The following PDCD10 variants were observed in gnomAD, a reference collection of about 807,000 sequenced individuals.
The protein encoded by PDCD10 is programmed cell death protein 10.
PDCD10 carries 4 observed loss-of-function variants against 29.2 expected under a neutral mutation model. The observed-to-expected ratio is 0.14, with a 90% CI of 0.07 to 0.31. The LOEUF is 0.31. Ranked by LOEUF, PDCD10 falls within the 10% of genes least tolerant of loss-of-function variation. The pLI is 1.00. For missense variants in PDCD10, 183 were observed against 257.9 expected (o/e 0.71, Z 1.99); for synonymous variants, 70 against 82.2 (o/e 0.85, Z 0.80).
intron 5 of PDCD10, among the ~76,000 whole-genome samples, 179 bp from the exon 6 acceptor site, chr3:167,695,901 G>T (rs1453791423): frequency 6.6e-6 from 1 of 151,818 alleles, no homozygotes; most frequent in Non-Finnish European, 1.5e-5. Context: ...AACAACAGCA[G>T]GGCTCCCTTC....
chr3:167,685,911 A>G (rs896319225), intron 8 of PDCD10, among the ~76,000 whole-genome samples: 2 of 152,306 alleles, frequency 1.3e-5, no homozygotes, highest in South Asian at 4.1e-4. Context: ...ATTTAGCTCG[A>G]TATCTCTAAT....
intron 2 of PDCD10, among the ~76,000 whole-genome samples, chr3:167,727,007 AT>A (rs1378870850): frequency 6.6e-6 from 1 of 152,236 alleles, no homozygotes; most frequent in Non-Finnish European, 1.5e-5. Flanking sequence ...ACATAAAAGA[AT>A]TTGGCCATCA....
rs1257765252 is a variant in PDCD10, at chr3:167,683,408, T to G, written c.*900A>C. 2 of 152,062 alleles carry G rather than the reference T, an allele frequency of 1.3e-5. No individual in the cohort carries two copies. Among genetic ancestry groups the G allele is most frequent in the Admixed American group, 6.5e-5 (1 of 15,270 alleles). The allele number at this position is 152,062 out of a possible 1,614,324, so 9.4% of individuals were successfully genotyped here. A position where few individuals can be genotyped will look rare whatever the true frequency, so the allele number is the denominator to read the frequency against. On this transcript the variant is annotated 3_prime_UTR_variant, in exon 9 of 9. Transcript: ENST00000392750. ...TATGGTGAAATAAAACTGTACCTAG[T>G]TGAAGAGTGTATATAATATTAACAC...
chr3:167,718,224 T>A (rs1723203270), intron 3 of PDCD10, among the ~76,000 whole-genome samples: 1 of 152,238 alleles, frequency 6.6e-6, no homozygotes, highest in African/African-American at 2.4e-5. Context: ...TGCTTAAATA[T>A]CTGTGTTTCC....
chr3:167,723,567 G>C (rs1187328364), intron 2 of PDCD10, among the ~76,000 whole-genome samples: 1 of 152,188 alleles, frequency 6.6e-6, no homozygotes, highest in Non-Finnish European at 1.5e-5. Flanking sequence ...AAAGGATGTA[G>C]TGACTTGCTC....
At chr3:167,731,420 T>C (rs1269600217) in intron 2 of PDCD10, among the ~76,000 whole-genome samples, 1 of 152,218 alleles carries the variant, frequency 6.6e-6, no homozygotes, top group Admixed American at 6.5e-5. Context: ...ACAAACATTT[T>C]TCCACAATTT....
chr3:167,699,786 G>A (rs980066270), intron 4 of PDCD10, among the ~76,000 whole-genome samples: 10 of 152,188 alleles, frequency 6.6e-5, no homozygotes, highest in African/African-American at 2.4e-4. Flanking sequence ...GCTGACCCTT[G>A]AAGAACTGGT....
intron 3 of PDCD10, among the ~76,000 whole-genome samples, chr3:167,707,626 C>T (rs1425606162): frequency 4.0e-5 from 6 of 151,594 alleles, no homozygotes; most frequent in Non-Finnish European, 1.5e-5. Flanking sequence ...TGCAGTGAGC[C>T]GAGATCACAC....
intron 5 of PDCD10, among the ~76,000 whole-genome samples, chr3:167,695,995 A>C (rs1054995114): frequency 5.5e-5 from 7 of 126,400 alleles, no homozygotes; most frequent in Admixed American, 4.2e-4. Flanking sequence ...AAAAAAAAAC[A>C]CACAAAAAAA....
Position 167,704,681 on chromosome 3 carries a change from A to C in PDCD10, c.150+161T>G. On this transcript the variant is annotated intron_variant, in intron 4 of 8. Coordinates refer to ENST00000392750, the MANE Select transcript of PDCD10 (RefSeq NM_007217.4). ...AACGAAATAACATTTGTTCTAGTTT[A>C]TCTTTTGGAAGTGTTTTAAGCTTTA... 5.2e-6 allele frequency: 3 copies of C among 577,512 alleles called. No homozygotes were observed. In the South Asian group the frequency reaches 6.5e-5, roughly 13 times the overall value. The allele number at this position is 577,512 out of a possible 1,614,324, so 35.8% of individuals were successfully genotyped here.
Position 167,688,600 on chromosome 3 carries a change from G to A in PDCD10, c.396-907C>T, listed in dbSNP as rs116795087. ...TTTAACCTCATAGCAATTTTTTTCC[G>A]CCAAATTGAACTTGATGTAATTCTG... On this transcript the variant is annotated intron_variant, in intron 6 of 8. Transcript: ENST00000392750. Among the ~76,000 whole-genome samples, 776 of 151,388 alleles carry A rather than the reference G, an allele frequency of 5.1e-3. 5 individuals are homozygous for A. Among genetic ancestry groups the A allele is most frequent in the African/African-American group, 0.018 (745 of 41,228 alleles).
chr3:167,728,078 C>T (rs1724404519), intron 2 of PDCD10, among the ~76,000 whole-genome samples: 1 of 152,116 alleles, frequency 6.6e-6, no homozygotes, highest in Non-Finnish European at 1.5e-5. Flanking sequence ...ATCTACTGTT[C>T]CTCCTGTAAC....
At position 167,683,531 on chromosome 3, in the gene PDCD10, G is replaced by A. The variant is rs1299339167; in HGVS notation, c.*777C>T. On this transcript the variant is annotated 3_prime_UTR_variant, in exon 9 of 9. Transcript: ENST00000392750. ...ATTGTGCAAAGCTTATGAGGGCCCA[G>A]TATACGAAAGGCTTAATTTTTAAGA... The A allele has an allele frequency of 1.3e-5, 2 of 151,856 alleles. No individual in the cohort carries two copies. The highest frequency in any genetic ancestry group is 4.8e-5 in the African/African-American group (2 of 41,372). 9.4% of individuals were successfully genotyped at this position (151,856 alleles called of 1,614,324 possible). A position where few individuals can be genotyped will look rare whatever the true frequency, so the allele number is the denominator to read the frequency against.
intron 2 of PDCD10, among the ~76,000 whole-genome samples, chr3:167,727,461 G>A (rs562977015): frequency 6.6e-6 from 1 of 152,224 alleles, no homozygotes; most frequent in African/African-American, 2.4e-5. Context: ...CTGTCCCCTT[G>A]AATATGTTCA....
At chr3:167,692,443 T>C (rs1720349195) in intron 6 of PDCD10, among the ~76,000 whole-genome samples, 1 of 152,234 alleles carries the variant, frequency 6.6e-6, no homozygotes, top group Non-Finnish European at 1.5e-5. Context: ...CCACTTATGG[T>C]GTCATGTCAC....
intron 6 of PDCD10, among the ~76,000 whole-genome samples, chr3:167,691,982 G>T (rs1047064757): frequency 6.6e-6 from 1 of 152,204 alleles, no homozygotes; most frequent in African/African-American, 2.4e-5. Context: ...CTATATAAAT[G>T]ATTGTTATTA....
intron 3 of PDCD10, among the ~76,000 whole-genome samples, chr3:167,707,227 T>A (rs1722063914): frequency 6.6e-6 from 1 of 152,190 alleles, no homozygotes; most frequent in South Asian, 2.1e-4. Flanking sequence ...TGGGGAGTTC[T>A]CCCACTTAGA....
intron 6 of PDCD10, among the ~76,000 whole-genome samples, chr3:167,693,963 A>C (rs1720527276): frequency 6.6e-6 from 1 of 152,108 alleles, no homozygotes; most frequent in African/African-American, 2.4e-5. Context: ...AAAATGTTCA[A>C]GACATGAAAT....
intron 3 of PDCD10, among the ~76,000 whole-genome samples, chr3:167,719,268 T>G (rs1329741036): frequency 6.6e-6 from 1 of 152,096 alleles, no homozygotes; most frequent in Non-Finnish European, 1.5e-5. Context: ...CAAAAAAATA[T>G]TAAAATTTTA....
Sources: allele counts gnomAD v4.1 joint callset (sites outside exome capture counted in the v4.1 genomes callset), GRCh38; gene constraint gnomAD v4.1.1; transcripts MANE v1.5; gene names NCBI Gene and HGNC (gene_info 2026-07-23, HGNC 2026-07-21).